The following NEXMIF variants were observed in gnomAD, a reference collection of about 807,000 sequenced individuals.
The protein encoded by NEXMIF is neurite extension and migration factor.
NEXMIF carries 8 observed loss-of-function variants against 62.1 expected under a neutral mutation model. The ratio of observed to expected loss-of-function variants is 0.13; its 90% CI spans 0.08 to 0.23. The LOEUF (loss-of-function observed/expected upper bound fraction) is 0.23, where lower values mean the gene tolerates loss of function less well. Ranked by LOEUF, NEXMIF falls within the 10% of genes least tolerant of loss-of-function variation. NEXMIF has a pLI of 1.00. For missense variants in NEXMIF, 976 were observed against 1,113.3 expected, an observed-to-expected ratio of 0.88 and a Z score of 1.75; for synonymous variants, 404 against 416.6, an observed-to-expected ratio of 0.97 and a Z score of 0.37.
chrX:74,811,349 C>A (rs2080359915), intron 1 of NEXMIF, among the ~76,000 whole-genome samples: 1 of 109,361 alleles, frequency 9.1e-6, no homozygotes, highest in African/African-American at 3.5e-5. Flanking sequence ...CTTCCGCATT[C>A]CATCTGTAGG....
chrX:74,759,781 G>C (rs2080170613), intron 1 of NEXMIF, among the ~76,000 whole-genome samples: 1 of 111,661 alleles, frequency 9.0e-6, no homozygotes, highest in Non-Finnish European at 1.9e-5. Context: ...TCCTGTTTTG[G>C]TTACTATATC....
At chrX:74,873,830 G>C (rs776026557) in intron 1 of NEXMIF, among the ~76,000 whole-genome samples, 2 of 111,250 alleles carry the variant, frequency 1.8e-5, no homozygotes, top group African/African-American at 6.5e-5. Context: ...CCCACTTTTT[G>C]ATGGGGTTGT....
At chrX:74,868,673 G>A (rs1037442804) in intron 1 of NEXMIF, among the ~76,000 whole-genome samples, 5 of 110,175 alleles carry the variant, frequency 4.5e-5, no homozygotes, top group Non-Finnish European at 9.5e-5. Context: ...TAATACATGT[G>A]GGGCTTAATA....
chrX:74,790,602 C>T lies in NEXMIF; in HGVS notation c.-47-44905G>A, dbSNP rs753281102. ...TTTTCACAATACTGATTCTTCCTAC[C>T]CATGAGCATGGAATGTTCTTCCATT... On this transcript the variant is annotated intron_variant, in intron 1 of 3. Transcript: ENST00000055682. Among the ~76,000 whole-genome samples the T allele has an allele frequency of 5.3e-5, 6 of 113,221 alleles. No individual in the cohort carries two copies. In the South Asian group the frequency reaches 2.1e-3, roughly 40 times the overall value.
chrX:74,912,459 T>A (rs1287898727), intron 1 of NEXMIF, among the ~76,000 whole-genome samples: 2 of 111,649 alleles, frequency 1.8e-5, no homozygotes, highest in Admixed American at 1.9e-4. Context: ...ATCTGCAGCA[T>A]GCCACACCAT....
chrX:74,765,136 G>T (rs1322758484), intron 1 of NEXMIF, among the ~76,000 whole-genome samples: 1 of 111,816 alleles, frequency 8.9e-6, no homozygotes, highest in Non-Finnish European at 1.9e-5. Context: ...ATTTATACTA[G>T]TTAGGACTTC....
chrX:74,802,499 T>C (rs1304792285), intron 1 of NEXMIF, among the ~76,000 whole-genome samples: 1 of 111,278 alleles, frequency 9.0e-6, no homozygotes, highest in Non-Finnish European at 1.9e-5. Flanking sequence ...AGCCGCAGAA[T>C]TATTGGGCTT....
chrX:74,924,798 A>T (rs1245156926), intron 1 of NEXMIF, 85 bp downstream of exon 1: 3 of 113,565 alleles, frequency 2.6e-5, no homozygotes, highest in Non-Finnish European at 5.6e-5. Context: ...ACCCCAGTTC[A>T]TTCCACCCCC....
At chrX:74,885,720 C>G (rs187255860) in intron 1 of NEXMIF, among the ~76,000 whole-genome samples, 48 of 111,847 alleles carry the variant, frequency 4.3e-4, no homozygotes, top group African/African-American at 1.5e-3. Context: ...ACCAGAGGTA[C>G]AAGGAGGAGC....
At chrX:74,745,905 C>A (rs1297664221) in intron 1 of NEXMIF, among the ~76,000 whole-genome samples, 2 of 111,205 alleles carry the variant, frequency 1.8e-5, no homozygotes. Context: ...CATCCTAGAT[C>A]CTTCTATCAC....
intron 1 of NEXMIF, among the ~76,000 whole-genome samples, chrX:74,834,195 T>G (rs1293083538): frequency 9.0e-6 from 1 of 110,803 alleles, no homozygotes; most frequent in Non-Finnish European, 1.9e-5. Context: ...ACGCTTAAAC[T>G]TCATCCTTTC....
intron 1 of NEXMIF, among the ~76,000 whole-genome samples, chrX:74,848,832 C>T (rs2080503035): frequency 9.0e-6 from 1 of 111,385 alleles, no homozygotes; most frequent in Non-Finnish European, 1.9e-5. Context: ...GAGATTAGTG[C>T]CTTCATAAAA....
chrX:74,881,228 C>A (rs1427963112), intron 1 of NEXMIF, among the ~76,000 whole-genome samples: 2 of 111,328 alleles, frequency 1.8e-5, no homozygotes, highest in Admixed American at 1.9e-4. Flanking sequence ...GTGTGCTGTA[C>A]CTACAACCTT....
chrX:74,903,535 T>C (rs1300808426), intron 1 of NEXMIF, among the ~76,000 whole-genome samples: 1 of 111,491 alleles, frequency 9.0e-6, no homozygotes, highest in African/African-American at 3.3e-5. Flanking sequence ...ATTTGGCCAA[T>C]GCAAAGAGAA....
chrX:74,743,786 A>G lies in NEXMIF; in HGVS notation c.771T>C (p.Asp257=). 1 of 1,210,850 alleles carries G rather than the reference A, an allele frequency of 8.3e-7. No homozygotes were observed. The highest frequency in any genetic ancestry group is 1.1e-6 in the Non-Finnish European group (1 of 894,995). The part of the protein sequence containing the change: ...EEALLANSNQ[D]WGYFETFISE... ...TAATAAAAGTCTCGAAGTAACCCCA[A>G]TCCTGATTGGAATTTGCAAGCAAAG... Residue 257 remains aspartate, a synonymous_variant, in exon 3 of 4, where the codon GAT becomes GAC. Transcript: ENST00000055682.
At chrX:74,838,838 T>C (rs1406900748) in intron 1 of NEXMIF, among the ~76,000 whole-genome samples, 2 of 111,879 alleles carry the variant, frequency 1.8e-5, no homozygotes, top group Non-Finnish European at 3.8e-5. Context: ...AAAGAAAACA[T>C]AGAATGAGAA....
chrX:74,823,921 A>G (rs1194019961), intron 1 of NEXMIF, among the ~76,000 whole-genome samples: 4 of 111,846 alleles, frequency 3.6e-5, no homozygotes, highest in African/African-American at 6.5e-5. Context: ...TAAAAATTAA[A>G]GGAAAACCAA....
intron 1 of NEXMIF, among the ~76,000 whole-genome samples, chrX:74,877,121 A>T (rs1161517466): frequency 8.9e-6 from 1 of 111,790 alleles, no homozygotes; most frequent in Admixed American, 9.5e-5. Context: ...ATTTTGCAGC[A>T]GCTGGTACAG....
chrX:74,812,390 C>A (rs746192031), intron 1 of NEXMIF, among the ~76,000 whole-genome samples: 2 of 111,998 alleles, frequency 1.8e-5, no homozygotes, highest in East Asian at 5.6e-4. Context: ...AAATAAACTT[C>A]TTTGTTAGTT....
Sources: gnomAD v4.1 joint callset for allele counts (sites outside exome capture counted in the v4.1 genomes callset) on GRCh38, gnomAD v4.1.1 for gene constraint, MANE v1.5 for transcripts, NCBI Gene and HGNC (gene_info 2026-07-23, HGNC 2026-07-21) for gene names.